The following SERPINB5 variants were observed in gnomAD, a reference collection of about 807,000 sequenced individuals.
The protein encoded by SERPINB5 is serpin family B member 5.
SERPINB5 carries 27 observed loss-of-function variants against 32.2 expected under a neutral mutation model. The observed-to-expected ratio is 0.84, with a 90% CI of 0.62 to 1.16. The LOEUF (loss-of-function observed/expected upper bound fraction) is 1.16, where lower values mean the gene tolerates loss of function less well. Among genes scored for constraint, SERPINB5 ranks in the 50% most tolerant of loss-of-function variants. The pLI is 0.00. For missense variants in SERPINB5, 388 were observed against 436.3 expected (o/e 0.89, Z 0.99); for synonymous variants, 154 against 157.4 (o/e 0.98, Z 0.16).
intron 2 of SERPINB5, 71 bp downstream of exon 2, chr18:63,484,667 G>GA: frequency 7.2e-7 from 1 of 1,384,220 alleles, no homozygotes; most frequent in South Asian, 1.5e-5. Flanking sequence ...AGTGCCTACG[G>GA]AAAAAAGGAA....
chr18:63,489,879 G>A (rs531104500), intron 4 of SERPINB5, among the ~76,000 whole-genome samples: 2 of 152,062 alleles, frequency 1.3e-5, no homozygotes, highest in South Asian at 4.2e-4. Flanking sequence ...TAAGGAAAAA[G>A]GGACATAGGC....
rs1002297312 is a variant in SERPINB5 at position 63,499,533 on chromosome 18, A to G, written c.735+246A>G. On this transcript the variant is annotated intron_variant, in intron 6 of 6. Transcript: ENST00000382771. ...CTAAGTTGCCTACGTGCATTATCTC[A>G]TTTAATTCTTACAGCAGGCTGATGA... Among the ~76,000 whole-genome samples, 7 of 152,144 alleles carry G rather than the reference A, an allele frequency of 4.6e-5. No individual in the cohort carries two copies. The South Asian group carries it at 1.5e-3, about 32-fold the overall frequency.
chr18:63,493,873 C>G (rs1167832620), intron 5 of SERPINB5, among the ~76,000 whole-genome samples: 1 of 151,704 alleles, frequency 6.6e-6, no homozygotes, highest in Non-Finnish European at 1.5e-5. Flanking sequence ...AACAAACAAA[C>G]AAACAAACAA....
At chr18:63,497,492 C>T (rs1396069929) in intron 5 of SERPINB5, 9 of 270,504 alleles carry the variant, frequency 3.3e-5, no homozygotes, top group East Asian at 3.1e-4. Flanking sequence ...TTGAACACAA[C>T]GTTTCTGAAA....
intron 6 of SERPINB5, among the ~76,000 whole-genome samples, chr18:63,501,966 T>G (rs1273480301): frequency 6.6e-6 from 1 of 152,148 alleles, no homozygotes; most frequent in Non-Finnish European, 1.5e-5. Context: ...ATGAGTAGAT[T>G]GCAAAAATTT....
At chr18:63,502,991 T>C (rs1909600194) in intron 6 of SERPINB5, among the ~76,000 whole-genome samples, 1 of 151,690 alleles carries the variant, frequency 6.6e-6, no homozygotes, top group African/African-American at 2.4e-5. Context: ...ACTATTACAC[T>C]CCAGCCCGGG....
chr18:63,484,453 T>C lies in SERPINB5; in HGVS notation c.25T>C (p.Ser9Pro). The C allele has an allele frequency of 6.2e-7, 1 of 1,613,260 alleles. No individual in the cohort carries two copies. Among genetic ancestry groups the C allele is most frequent in the Non-Finnish European group, 8.5e-7 (1 of 1,179,758 alleles). ...AATGGATGCCCTGCAACTAGCAAATTCGGCTTTTGCCGTTGATCTGTTCAA... is the reference window on the plus strand; with the variant it reads ...AATGGATGCCCTGCAACTAGCAAATCCGGCTTTTGCCGTTGATCTGTTCAA... MDALQLAN[S>P]AFAVDLFKQL... is the part of the protein sequence containing the mutation. The change falls in exon 2 of 7, where the codon TCG becomes CCG. Residue 9 changes from serine to proline, a missense_variant. Transcript: ENST00000382771.
In SERPINB5 at chr18:63,492,981, C is replaced by T; in HGVS notation, c.453C>T (p.Asn151=). 1 of 1,613,834 alleles carries T rather than the reference C, an allele frequency of 6.2e-7. No homozygotes were observed. Among genetic ancestry groups the T allele is most frequent in the Middle Eastern group, 1.7e-4 (1 of 6,060 alleles). ...DGHFENILAD[N]SVNDQTKILV... Reference sequence around the variant, plus strand: ...ACTTTGAGAACATTTTAGCTGACAACAGTGTGAACGACCAGACCAAAATCC... The same window carrying T: ...ACTTTGAGAACATTTTAGCTGACAATAGTGTGAACGACCAGACCAAAATCC... The change falls in exon 5 of 7, where the codon AAC becomes AAT. Residue 151 remains asparagine (N), a synonymous_variant. Transcript: ENST00000382771.
At chr18:63,497,505 A>AAG (rs1297315435) in intron 5 of SERPINB5, 3 of 429,324 alleles carry the variant, frequency 7.0e-6, no homozygotes, top group Non-Finnish European at 1.3e-5. Flanking sequence ...TTCTGAAAAA[A>AAG]AAAAAAAAAG....
In SERPINB5 at chr18:63,498,356, A is replaced by G. The variant is rs1005467862; in HGVS notation, c.568-764A>G. Among the ~76,000 whole-genome samples the G allele has an allele frequency of 1.3e-5, 2 of 152,190 alleles. No individual in the cohort carries two copies. Among genetic ancestry groups the G allele is most frequent in the Admixed American group, 6.5e-5 (1 of 15,282 alleles). On this transcript the variant is annotated intron_variant, in intron 5 of 6. Transcript: ENST00000382771. This position sits in a 1 kb window ranked among gnomAD's most constrained non-coding sequence, Gnocchi z 4.2. Reference sequence around the variant, plus strand: ...TCTCCCAAGGTGCAGGATTACAGGCATGAGGCACCGTGCCCAGCCAGTTTT... The same window carrying G: ...TCTCCCAAGGTGCAGGATTACAGGCGTGAGGCACCGTGCCCAGCCAGTTTT...
At chr18:63,486,470 T>C (rs1315806384) in intron 2 of SERPINB5, among the ~76,000 whole-genome samples, 1 of 152,232 alleles carries the variant, frequency 6.6e-6, no homozygotes, top group East Asian at 1.9e-4. Flanking sequence ...CTCTCTCTGG[T>C]CTTTGAATTG....
intron 6 of SERPINB5, among the ~76,000 whole-genome samples, chr18:63,499,701 G>A (rs1254246864): frequency 2.0e-5 from 3 of 152,162 alleles, no homozygotes; most frequent in Admixed American, 6.5e-5. Flanking sequence ...CTTAACTGAA[G>A]GCTAGAGTGT....
rs768664125 is a variant in SERPINB5, at chr18:63,489,466, C to T, written c.424+2C>T. The stretch of plus-strand genomic sequence containing the variant: ...ACTCAATTAAGGATCTCACAGATGG[C>T]AAGTACCCTTTAATTGTTCTGCTAT... On this transcript the variant is annotated splice_donor_variant, in intron 4 of 6. Transcript: ENST00000382771. LOFTEE classifies it low-confidence loss of function (GC_TO_GT_DONOR). 2.6e-6 allele frequency: 4 copies of T among 1,534,928 alleles called. No homozygotes were observed. Among genetic ancestry groups the T allele is most frequent in the Middle Eastern group, 1.7e-4 (1 of 5,918 alleles).
chr18:63,484,184 G>C (rs1917169225), intron 1 of SERPINB5, among the ~76,000 whole-genome samples: 1 of 152,216 alleles, frequency 6.6e-6, no homozygotes, highest in Non-Finnish European at 1.5e-5. Flanking sequence ...TGGCTGAGCA[G>C]GCCCAAGACT....
intron 4 of SERPINB5, among the ~76,000 whole-genome samples, chr18:63,492,671 G>C (rs1476983719): frequency 6.6e-6 from 1 of 152,186 alleles, no homozygotes; most frequent in African/African-American, 2.4e-5. Flanking sequence ...TATACTGCCT[G>C]ACACAGAATA....
At chr18:63,486,416 G>A (rs1345917854) in intron 2 of SERPINB5, among the ~76,000 whole-genome samples, 2 of 152,206 alleles carry the variant, frequency 1.3e-5, no homozygotes, top group African/African-American at 4.8e-5. Context: ...CACTTGTCCT[G>A]AAATCTGATT....
chr18:63,494,205 C>T (rs2144504217), intron 5 of SERPINB5, among the ~76,000 whole-genome samples: 1 of 151,354 alleles, frequency 6.6e-6, no homozygotes, highest in East Asian at 1.9e-4. Flanking sequence ...GCCTGTAATC[C>T]CAGCTGCTCA....
At chr18:63,486,226 A>C (rs1205397760) in intron 2 of SERPINB5, among the ~76,000 whole-genome samples, 2 of 152,214 alleles carry the variant, frequency 1.3e-5, no homozygotes, top group Non-Finnish European at 2.9e-5. Context: ...GAGTTGGAGA[A>C]GATTCTCTGA....
Position 63,499,207 on chromosome 18 carries a change from C to G in SERPINB5, c.655C>G (p.Leu219Val), listed in dbSNP as rs1909520164. 10 of 1,601,130 alleles carry G rather than the reference C, an allele frequency of 6.2e-6. No homozygotes were observed. The highest frequency in any genetic ancestry group is 1.3e-5 in the African/African-American group (1 of 74,396). Residue 219 changes from leucine (L) to valine (V), a missense_variant, in exon 6 of 7, where the codon CTT becomes GTT. Coordinates refer to ENST00000382771, the MANE Select transcript of SERPINB5 (RefSeq NM_002639.5). ...IDSINCKIIE[L>V]PFQNKHLSMF... ...CAGTATCAATTGTAAGATCATAGAG[C>G]TTCCTTTTCAAAATAAGCATCTCAG...
Sources: gnomAD v4.1 joint callset for allele counts (sites outside exome capture counted in the v4.1 genomes callset) on GRCh38, gnomAD v4.1.1 for gene constraint, Gnocchi (gnomAD v3.1) non-coding constraint, MANE v1.5 for transcripts, NCBI Gene and HGNC (gene_info 2026-07-23, HGNC 2026-07-21) for gene names.